The following NBEA variants were observed in gnomAD, a reference collection of about 807,000 sequenced individuals.
The protein encoded by NBEA is neurobeachin, also known as lysosomal-trafficking regulator 2.
Under a neutral mutation model 343.4 loss-of-function variants are expected in NBEA, and 44 were observed. The ratio of observed to expected loss-of-function variants is 0.13; its 90% CI spans 0.10 to 0.16. The LOEUF is 0.16. NBEA is among the 10% of genes least tolerant of loss of function. The pLI is 1.00. For synonymous variants in NBEA, 1,175 were observed against 1,238.7 expected, an observed-to-expected ratio of 0.95 and a Z score of 1.08; for missense variants, 2,555 against 3,631.3, an observed-to-expected ratio of 0.70 and a Z score of 7.62.
chr13:35,663,942 C>T (rs560474074), intron 55 of NBEA, among the ~76,000 whole-genome samples: 161 of 152,170 alleles, frequency 1.1e-3, no homozygotes, highest in African/African-American at 3.6e-3. Flanking sequence ...GCAAATAAAA[C>T]GGAGAAATCC....
Position 35,061,840 on chromosome 13 carries a change from G to A in NBEA, c.1239+2977G>A, listed in dbSNP as rs1425122807. 2.6e-5 allele frequency among the ~76,000 whole-genome samples: 4 copies of A among 151,708 alleles called. No homozygotes were observed. In the East Asian group the frequency reaches 7.8e-4, roughly 29 times the overall value. ...TATAGATAACATCTATAGGGTTATGGAGATTGAATAAAAGCAGGCAGGCTT... is the reference window on the plus strand; with the variant it reads ...TATAGATAACATCTATAGGGTTATGAAGATTGAATAAAAGCAGGCAGGCTT... On this transcript the variant is annotated intron_variant, in intron 8 of 58. Transcript: ENST00000379939.
chr13:35,075,949 A>G (rs951194771), intron 10 of NBEA, among the ~76,000 whole-genome samples: 1 of 151,962 alleles, frequency 6.6e-6, no homozygotes, highest in Non-Finnish European at 1.5e-5. Flanking sequence ...AATATCTATT[A>G]TATACAGCGT....
chr13:35,606,797 TG>T (rs1225954242), intron 48 of NBEA, among the ~76,000 whole-genome samples: 1 of 152,206 alleles, frequency 6.6e-6, no homozygotes, highest in African/African-American at 2.4e-5. Context: ...AATAAAGCAA[TG>T]GTAATTCAGT....
chr13:35,595,186 A>G (rs1422243316), intron 47 of NBEA, among the ~76,000 whole-genome samples: 2 of 152,060 alleles, frequency 1.3e-5, no homozygotes, highest in Non-Finnish European at 2.9e-5. Flanking sequence ...TTCCTCTTCA[A>G]AACCCTTTCA....
intron 16 of NBEA, among the ~76,000 whole-genome samples, chr13:35,121,346 G>T (rs1381279367): frequency 1.3e-5 from 2 of 152,030 alleles, no homozygotes; most frequent in Non-Finnish European, 2.9e-5. Flanking sequence ...CGCTCAGGCA[G>T]TCTGCCCACC....
intron 34 of NBEA, among the ~76,000 whole-genome samples, chr13:35,281,350 T>G (rs1307629803): frequency 1.3e-5 from 2 of 152,168 alleles, no homozygotes; most frequent in East Asian, 3.8e-4. Flanking sequence ...AAATTCGACT[T>G]GGATTACATT....
chr13:35,424,701 T>A (rs2044535136), intron 38 of NBEA, among the ~76,000 whole-genome samples: 1 of 152,214 alleles, frequency 6.6e-6, no homozygotes, highest in South Asian at 2.1e-4. Context: ...TTTCTATTGA[T>A]TGGAATAGTT....
At chr13:35,242,766 A>G (rs1393421139) in intron 34 of NBEA, among the ~76,000 whole-genome samples, 3 of 151,848 alleles carry the variant, frequency 2.0e-5, no homozygotes, top group Admixed American at 1.3e-4. Context: ...GCAAAACAAA[A>G]CAAAAAGAAA....
intron 33 of NBEA, among the ~76,000 whole-genome samples, chr13:35,218,793 A>G (rs962534335): frequency 1.3e-5 from 2 of 152,014 alleles, no homozygotes; most frequent in African/African-American, 2.4e-5. Context: ...ATGGTATACT[A>G]TATTGATTTA....
chr13:35,670,876 T>C, intron 58 of NBEA, 25 bp from the exon 59 acceptor site: 1 of 1,508,402 alleles, frequency 6.6e-7, no homozygotes, highest in South Asian at 1.2e-5. Context: ...TATATCACTC[T>C]TAACTGCTGT....
chr13:35,537,473 A>T (rs2078616139), intron 41 of NBEA, among the ~76,000 whole-genome samples: 1 of 151,840 alleles, frequency 6.6e-6, no homozygotes, highest in Non-Finnish European at 1.5e-5. Flanking sequence ...AAGAAAAAAA[A>T]TGGTCAAAAA....
intron 48 of NBEA, 142 bp from the exon 49 acceptor site, chr13:35,627,939 A>T: frequency 1.7e-6 from 1 of 572,664 alleles, no homozygotes; most frequent in Non-Finnish European, 2.9e-6. Flanking sequence ...GGAACTGAAG[A>T]TCTGATACAT....
intron 41 of NBEA, chr13:35,475,585 G>T (rs757375209): frequency 1.9e-6 from 3 of 1,613,592 alleles, no homozygotes; most frequent in Non-Finnish European, 1.7e-6. Context: ...TGGCCAGTGG[G>T]CAGCACTCCT....
intron 1 of NBEA, among the ~76,000 whole-genome samples, chr13:34,955,392 A>G (rs2059460445): frequency 6.6e-6 from 1 of 152,194 alleles, no homozygotes; most frequent in African/African-American, 2.4e-5. Flanking sequence ...AAGAATAAAC[A>G]GATAAATTAT....
chr13:35,393,562 T>G (rs958458374), intron 38 of NBEA, among the ~76,000 whole-genome samples: 4 of 152,138 alleles, frequency 2.6e-5, no homozygotes, highest in African/African-American at 9.7e-5. Context: ...TTGAGATTAT[T>G]TAAATTTAGA....
intron 35 of NBEA, among the ~76,000 whole-genome samples, chr13:35,308,463 T>C (rs1038936947): frequency 1.6e-5 from 2 of 126,300 alleles, no homozygotes; most frequent in African/African-American, 6.6e-5. Context: ...TATATATATA[T>C]ATATATATAT....
At chr13:34,986,570 G>A (rs1348486821) in intron 1 of NBEA, among the ~76,000 whole-genome samples, 1 of 150,816 alleles carries the variant, frequency 6.6e-6, no homozygotes, top group African/African-American at 2.4e-5. Flanking sequence ...GCAGAGCTGA[G>A]TTCAAGTTCT....
At chr13:35,490,607 G>A (rs2076467090) in intron 41 of NBEA, among the ~76,000 whole-genome samples, 1 of 151,918 alleles carries the variant, frequency 6.6e-6, no homozygotes, top group Non-Finnish European at 1.5e-5. Flanking sequence ...TTAGGAACTT[G>A]ATGAAAAGTT....
intron 34 of NBEA, among the ~76,000 whole-genome samples, chr13:35,238,711 G>C (rs150545946): frequency 7.2e-4 from 110 of 152,236 alleles, no homozygotes; most frequent in African/African-American, 2.4e-3. Context: ...TATACAAGTT[G>C]AAACATTTTA....
Sources: allele counts gnomAD v4.1 joint callset (sites outside exome capture counted in the v4.1 genomes callset), GRCh38; gene constraint gnomAD v4.1.1; transcripts MANE v1.5; gene names NCBI Gene and HGNC (gene_info 2026-07-23, HGNC 2026-07-21).